The following TMEM260 variants were observed in gnomAD, a reference collection of about 807,000 sequenced individuals.
TMEM260 encodes the protein transmembrane protein 260.
Under a neutral mutation model 88.9 loss-of-function variants are expected in TMEM260, and 82 were observed. The ratio of observed to expected loss-of-function variants is 0.92; its 90% CI spans 0.77 to 1.11. The LOEUF (loss-of-function observed/expected upper bound fraction) is 1.11, where lower values mean the gene tolerates loss of function less well. Ranked by LOEUF, TMEM260 falls within the 50% of genes least tolerant of loss-of-function variation. The pLI, the probability that TMEM260 is intolerant of heterozygous loss-of-function variation, is 0.00. For synonymous variants in TMEM260, 314 were observed against 309.3 expected, an observed-to-expected ratio of 1.02 and a Z score of -0.16; for missense variants, 902 against 853.4, an observed-to-expected ratio of 1.06 and a Z score of -0.71.
chr14:56,623,164 T>G (rs536435769), intron 11 of TMEM260, among the ~76,000 whole-genome samples: 2 of 152,184 alleles, frequency 1.3e-5, no homozygotes, highest in African/African-American at 4.8e-5. Context: ...TAGGGTGCAT[T>G]TGAATGCAAG....
chr14:56,585,879 T>C lies in TMEM260; in HGVS notation c.311T>C (p.Val104Ala). Residue 104 changes from valine to alanine, a missense_variant, in exon 3 of 16, where the codon GTA becomes GCA. Coordinates refer to ENST00000261556, the MANE Select transcript of TMEM260 (RefSeq NM_017799.4). ...VNLLCGLFGA[V>A]AASLLFFTVF... Reference sequence around the variant, plus strand: ...CTTCTCTGTGGCTTATTTGGAGCAGTAGCTGCATCATTACTTTTTTTCACC... The same window carrying C: ...CTTCTCTGTGGCTTATTTGGAGCAGCAGCTGCATCATTACTTTTTTTCACC... 2 of 1,613,158 alleles carry C rather than the reference T, an allele frequency of 1.2e-6. No individual in the cohort carries two copies. Among genetic ancestry groups the C allele is most frequent in the Non-Finnish European group, 1.7e-6 (2 of 1,179,598 alleles).
At chr14:56,627,055 A>G (rs1159897361) in intron 12 of TMEM260, among the ~76,000 whole-genome samples, 1 of 152,126 alleles carries the variant, frequency 6.6e-6, no homozygotes, top group Non-Finnish European at 1.5e-5. Context: ...TAATATTCTC[A>G]TAAGACGCAT....
chr14:56,640,293 C>A (rs920089315), intron 15 of TMEM260, among the ~76,000 whole-genome samples: 39 of 151,824 alleles, frequency 2.6e-4, no homozygotes, highest in African/African-American at 9.0e-4. Flanking sequence ...TCCTCTGAGA[C>A]AAAACTTCCA....
chr14:56,621,698 A>G lies in TMEM260; in HGVS notation c.1394A>G (p.Gln465Arg), dbSNP rs778364627. The G allele has an allele frequency of 3.8e-5, 61 of 1,603,780 alleles. No individual in the cohort carries two copies. Among genetic ancestry groups the G allele is most frequent in the Non-Finnish European group, 5.1e-5 (60 of 1,176,934 alleles). ...AGGCCTGACATTTCATTAGTGGATC[A>G]GGAAGTAAGTATATGAAAAATATAC... ...GLRPDISLVD[Q>R]EMMTYEWYLP... is the part of the protein sequence containing the mutation. Residue 465 changes from glutamine to arginine, a missense_variant, in exon 11 of 16, where the codon CAG becomes CGG. Transcript: ENST00000261556.
chr14:56,623,743 G>T (rs949947099), intron 11 of TMEM260, among the ~76,000 whole-genome samples: 1 of 152,090 alleles, frequency 6.6e-6, no homozygotes, highest in Admixed American at 6.6e-5. Context: ...CAGAACTATT[G>T]GGTAATAAAG....
At chr14:56,622,320 G>T (rs1594861179) in intron 11 of TMEM260, among the ~76,000 whole-genome samples, 1 of 123,322 alleles carries the variant, frequency 8.1e-6, no homozygotes, top group Non-Finnish European at 1.6e-5. Context: ...TCCAGCCTGG[G>T]CAACAGGGCG....
At chr14:56,643,637 A>G in intron 15 of TMEM260, among the ~76,000 whole-genome samples, 1 of 152,132 alleles carries the variant, frequency 6.6e-6, no homozygotes, top group African/African-American at 2.4e-5. Flanking sequence ...CCTATTCAAC[A>G]TAGTGTTGGA....
chr14:56,609,521 A>AGCAGTCATTAAAGTCTT (rs1446172629), intron 6 of TMEM260, among the ~76,000 whole-genome samples: 1 of 152,208 alleles, frequency 6.6e-6, no homozygotes, highest in Non-Finnish European at 1.5e-5. Context: ...TTTTTAGGAT[A>AGCAGTCATTAAAGTCTT]GCAGTCATTA....
At chr14:56,612,148 A>C in intron 6 of TMEM260, 97 bp from the exon 7 acceptor site, 1 of 1,257,102 alleles carries the variant, frequency 8.0e-7, no homozygotes. Context: ...AAATTGTTTT[A>C]AGAAAACCCG....
At chr14:56,635,956 T>C (rs1318579149) in intron 14 of TMEM260, among the ~76,000 whole-genome samples, 1 of 152,122 alleles carries the variant, frequency 6.6e-6, no homozygotes, top group Non-Finnish European at 1.5e-5. Flanking sequence ...TTTAAGGAAC[T>C]GATCAAAGAT....
rs549408818 is a variant in TMEM260 at position 56,582,077 on chromosome 14, G to C, written c.160+2003G>C. Among the ~76,000 whole-genome samples, 8 of 152,240 alleles carry C rather than the reference G, an allele frequency of 5.3e-5. No individual in the cohort carries two copies. In the South Asian group the frequency reaches 1.7e-3, roughly 32 times the overall value. On this transcript the variant is annotated intron_variant, in intron 1 of 15. Coordinates refer to ENST00000261556, the MANE Select transcript of TMEM260 (RefSeq NM_017799.4). ...TGTTCATTTTTGGGAATGATAAACT[G>C]TTTTCCAAGTATATGCCAATATGGA...
rs1203344959 is a variant in TMEM260, at chr14:56,648,381, T to C, written c.*884T>C. 2 of 152,650 alleles carry C rather than the reference T, an allele frequency of 1.3e-5. No homozygotes were observed. Among genetic ancestry groups the C allele is most frequent in the African/African-American group, 2.4e-5 (1 of 41,446 alleles). 9.5% of individuals were successfully genotyped at this position (152,650 alleles called of 1,614,324 possible). Reference sequence around the variant, plus strand: ...CAAATAATAGTTCTTTATTTTATTATGACAGTTAATTAATAGCAACCTGTT... The same window carrying C: ...CAAATAATAGTTCTTTATTTTATTACGACAGTTAATTAATAGCAACCTGTT... On this transcript the variant is annotated 3_prime_UTR_variant, in exon 16 of 16. Transcript: ENST00000261556.
At chr14:56,596,406 GTA>G (rs890940479) in intron 3 of TMEM260, among the ~76,000 whole-genome samples, 88 of 111,274 alleles carry the variant, frequency 7.9e-4, no homozygotes, top group South Asian at 1.6e-3. Flanking sequence ...GTGTGTGTGT[GTA>G]TATATATATA....
At chr14:56,637,582 T>C (rs1889209248) in intron 15 of TMEM260, among the ~76,000 whole-genome samples, 1 of 152,180 alleles carries the variant, frequency 6.6e-6, no homozygotes, top group African/African-American at 2.4e-5. Flanking sequence ...GAAACTAATA[T>C]CCTGACAAGG....
At chr14:56,653,079 A>G (rs1312776704), downstream of TMEM260, among the ~76,000 whole-genome samples, 1 of 152,150 alleles carries the variant, frequency 6.6e-6, no homozygotes. Context: ...GGATCACCTG[A>G]GATGAGGAGT....
At chr14:56,579,600 G>T, upstream of TMEM260, 1 of 291,452 alleles carries the variant, frequency 3.4e-6, no homozygotes, top group Non-Finnish European at 6.3e-6. Flanking sequence ...CATGGAGAAG[G>T]TAGGCCTGTG....
chr14:56,579,772 A>G, upstream of TMEM260: 1 of 712,658 alleles, frequency 1.4e-6, no homozygotes, highest in East Asian at 3.4e-5. Flanking sequence ...AGGCGGAGAA[A>G]GGTGCGGTCC....
chr14:56,591,972 T>C (rs1196569454), intron 3 of TMEM260, among the ~76,000 whole-genome samples: 1 of 152,212 alleles, frequency 6.6e-6, no homozygotes, highest in Non-Finnish European at 1.5e-5. Context: ...CTAACCTTAC[T>C]CCCTGCATTT....
rs34268894 is a variant in TMEM260 at position 56,593,677 on chromosome 14, C to CTTTTTT, written c.344+7788_344+7793dup. ...ATTATTGGTATTGACAGGTGAGTGT[C>CTTTTTT]TTTTTTTTTTTTTTTTTTTTTTTTT... is the stretch of plus-strand genomic sequence containing the variant. On this transcript the variant is annotated intron_variant, in intron 3 of 15. Coordinates refer to ENST00000261556, the MANE Select transcript of TMEM260 (RefSeq NM_017799.4). Among the ~76,000 whole-genome samples, 30 of 63,510 alleles carry CTTTTTT rather than the reference C, an allele frequency of 4.7e-4. 4 individuals carry two copies. Among genetic ancestry groups the CTTTTTT allele is most frequent in the South Asian group, 1.7e-3 (2 of 1,162 alleles). The allele number at this position is 63,510 out of a possible 152,430, so 41.7% of individuals were successfully genotyped here.
Sources: allele counts gnomAD v4.1 joint callset (sites outside exome capture counted in the v4.1 genomes callset), GRCh38; gene constraint gnomAD v4.1.1; transcripts MANE v1.5; gene names NCBI Gene and HGNC (gene_info 2026-07-23, HGNC 2026-07-21).